Variants in TMEM127 observed in about 807,000 individuals in gnomAD.
TMEM127 encodes transmembrane protein 127.
TMEM127 carries 21 observed loss-of-function variants against 20.1 expected under a neutral mutation model. That is an observed-to-expected ratio of 1.04 (90% confidence interval 0.74 to 1.50). The LOEUF (loss-of-function observed/expected upper bound fraction) is 1.50. TMEM127 is among the 40% of genes most tolerant of loss of function. TMEM127 has a pLI of 0.00. For missense variants in TMEM127, 303 were observed against 317.4 expected, an observed-to-expected ratio of 0.95 and a Z score of 0.34; for synonymous variants, 150 against 144.7, an observed-to-expected ratio of 1.04 and a Z score of -0.26.
In TMEM127 at chr2:96,265,369, C is replaced by A; in HGVS notation, c.13G>T (p.Gly5Ter). Reference sequence around the variant, plus strand: ...CGCCCGCCGGGCAGCCCTGCGCCTCCGGGGGCGTACATGCCCGGGGCCGCC... The same window carrying A: ...CGCCCGCCGGGCAGCCCTGCGCCTCAGGGGGCGTACATGCCCGGGGCCGCC... MYAP[G>*]GAGLPGGRRR... is the part of the protein sequence containing the mutation. The change falls in exon 2 of 4, where the codon GGA becomes TGA. Residue 5 changes from glycine (G) to a stop codon, truncating the protein, a stop_gained. Coordinates refer to ENST00000258439, the MANE Select transcript of TMEM127 (RefSeq NM_017849.4). LOFTEE classifies it high-confidence loss of function. 1 of 1,465,784 alleles carries A rather than the reference C, an allele frequency of 6.8e-7. No individual in the cohort carries two copies. The highest frequency in any genetic ancestry group is 9.0e-7 in the Non-Finnish European group (1 of 1,115,718). The allele number at this position is 1,465,784 out of a possible 1,614,324, so 90.8% of individuals were successfully genotyped here. A position where few individuals can be genotyped will look rare whatever the true frequency, so the allele number is the denominator to read the frequency against.
rs140817879 is a variant in TMEM127, at chr2:96,254,788, C to G, written c.409+45G>C. On this transcript the variant is annotated intron_variant, in intron 3 of 3. Transcript: ENST00000258439. ...CGGCAACTCAGACAGGATGCCCCCA[C>G]CCTGTAGCAGTTCCTCTCCCACTGT... 8.1e-3 allele frequency: 13,051 copies of G among 1,611,662 alleles called. 136 individuals carry two copies. The highest frequency in any genetic ancestry group is 0.051 in the East Asian group (2,308 of 44,850).
At chr2:96,265,677 G>A (rs1051671094) in intron 1 of TMEM127, among the ~76,000 whole-genome samples, 165 bp from the exon 2 acceptor site, 2 of 152,204 alleles carry the variant, frequency 1.3e-5, no homozygotes, top group African/African-American at 4.8e-5. Context: ...AGACTCGAGT[G>A]GGGGGCGGAG....
Position 96,251,015 on chromosome 2 carries a change from G to A in TMEM127, c.*2793C>T, listed in dbSNP as rs939388101. 5 of 224,242 alleles carry A rather than the reference G, an allele frequency of 2.2e-5. No individual in the cohort carries two copies. The highest frequency in any genetic ancestry group is 4.4e-5 in the Non-Finnish European group (5 of 112,454). 13.9% of individuals were successfully genotyped at this position (224,242 alleles called of 1,614,324 possible). ...CTCCCACAGGATGGCTAGAGTTTAG[G>A]AGCCACGTTCTCCTCTATAGCTCAC... On this transcript the variant is annotated 3_prime_UTR_variant, in exon 4 of 4. Transcript: ENST00000258439.
At chr2:96,264,894 A>C (rs1684382044) in intron 2 of TMEM127, among the ~76,000 whole-genome samples, 1 of 152,176 alleles carries the variant, frequency 6.6e-6, no homozygotes, top group Non-Finnish European at 1.5e-5. Context: ...TCCTTCCTCC[A>C]GCAGAATCCT....
In TMEM127 at chr2:96,253,815, G is replaced by A. The variant is rs751135735; in HGVS notation, c.710C>T (p.Thr237Ile). The A allele has an allele frequency of 6.2e-7, 1 of 1,610,182 alleles. No homozygotes were observed. The highest frequency in any genetic ancestry group is 8.5e-7 in the Non-Finnish European group (1 of 1,176,822). Residue 237 changes from threonine (T) to isoleucine (I), a missense_variant, in exon 4 of 4, where the codon ACA becomes ATA. Transcript: ENST00000258439. This position sits in a 1 kb window ranked among gnomAD's most constrained non-coding sequence, Gnocchi z 4.3. ...GAGAGCCCAGGGCTGGCATTAGGGT[G>A]TGTAAGCAGGGGGTGGCTGGAACTG... ...INQFQPPPAY[T>I]P
At position 96,254,998 on chromosome 2, in the gene TMEM127, C is replaced by G. The variant is rs121908821; in HGVS notation, c.245-1G>C. 4.3e-6 allele frequency: 7 copies of G among 1,614,058 alleles called. No homozygotes were observed. The African/African-American group carries it at 9.3e-5, about 22-fold the overall frequency. The stretch of plus-strand genomic sequence containing the variant: ...ACTGTCTGGGGATTCATGCAGAAAT[C>G]TGTAGAGGGAGAACCAAATTTTCAC... On this transcript the variant is annotated splice_acceptor_variant, in intron 2 of 3. Coordinates refer to ENST00000258439, the MANE Select transcript of TMEM127 (RefSeq NM_017849.4). LOFTEE classifies it high-confidence loss of function.
intron 2 of TMEM127, among the ~76,000 whole-genome samples, chr2:96,255,970 C>T (rs1290381595): frequency 6.6e-6 from 1 of 151,780 alleles, no homozygotes; most frequent in Non-Finnish European, 1.5e-5. Context: ...GAGACCCTGT[C>T]TCTTAAAAAA....
chr2:96,257,609 G>A (rs1684234898), intron 2 of TMEM127, among the ~76,000 whole-genome samples: 1 of 151,838 alleles, frequency 6.6e-6, no homozygotes, highest in Admixed American at 6.6e-5. Context: ...AGTATTTTAA[G>A]CTTTCATAAA....
chr2:96,249,599 C>T lies in TMEM127; in HGVS notation c.*4209G>A, dbSNP rs555723265. On this transcript the variant is annotated 3_prime_UTR_variant, in exon 4 of 4. Coordinates refer to ENST00000258439, the MANE Select transcript of TMEM127 (RefSeq NM_017849.4). ...ATGGTGAGACTGTCTCTACCCACCCCCACAAAAAAAACATTTTCTCTTCTC... is the reference window on the plus strand; with the variant it reads ...ATGGTGAGACTGTCTCTACCCACCCTCACAAAAAAAACATTTTCTCTTCTC... 8.6e-6 allele frequency: 2 copies of T among 231,586 alleles called. No individual in the cohort carries two copies. The highest frequency in any genetic ancestry group is 1.1e-4 in the Admixed American group (2 of 17,726). 14.3% of individuals were successfully genotyped at this position (231,586 alleles called of 1,614,324 possible).
chr2:96,263,048 CTTTT>C (rs1402826560), intron 2 of TMEM127, among the ~76,000 whole-genome samples: 1 of 136,692 alleles, frequency 7.3e-6, no homozygotes, highest in Admixed American at 7.4e-5. Context: ...CAAGAATTTA[CTTTT>C]TTTTTTTTTT....
At chr2:96,258,739 G>A (rs1684258189) in intron 2 of TMEM127, among the ~76,000 whole-genome samples, 1 of 152,172 alleles carries the variant, frequency 6.6e-6, no homozygotes, top group Admixed American at 6.5e-5. Flanking sequence ...GCTATCTCCT[G>A]GCTGTATTTT....
At chr2:96,255,043 T>C (rs1370643573) in intron 2 of TMEM127, 46 bp from the exon 3 acceptor site, 2 of 1,610,656 alleles carry the variant, frequency 1.2e-6, no homozygotes. Flanking sequence ...TAACACTTGG[T>C]GCAGGAAGTC....
chr2:96,256,571 CAAAAA>C (rs1234363746), intron 2 of TMEM127, among the ~76,000 whole-genome samples: 1 of 54,664 alleles, frequency 1.8e-5, no homozygotes, highest in South Asian at 6.0e-4. Flanking sequence ...AACTCTGTCT[CAAAAA>C]AAAAAAAAAA....
rs1394209177 is a variant in TMEM127 at position 96,254,077 on chromosome 2, C to T, written c.448G>A (p.Ala150Thr). 6.2e-7 allele frequency: 1 copy of T among 1,614,088 alleles called. No homozygotes were observed. The highest frequency in any genetic ancestry group is 8.5e-7 in the Non-Finnish European group (1 of 1,180,032). ...CATVIGFSYW[A>T]SELILAQQQQ... ...TGCTGGGCCAAGATGAGTTCAGAAG[C>T]CCAATAAGAAAAGCCAATGACGGTG... The change falls in exon 4 of 4, where the codon GCT becomes ACT. Residue 150 changes from alanine (A) to threonine (T), a missense_variant. By Grantham distance (58) the Ala-to-Thr change is moderately conservative. Transcript: ENST00000258439.
chr2:96,263,854 A>G (rs1684360770), intron 2 of TMEM127, among the ~76,000 whole-genome samples: 2 of 152,184 alleles, frequency 1.3e-5, no homozygotes. Context: ...AAGCAAGTAC[A>G]GGGCAATGTG....
At position 96,251,688 on chromosome 2, in the gene TMEM127, TTTTAA is replaced by T. The variant is rs1684091690; in HGVS notation, c.*2115_*2119del. On this transcript the variant is annotated 3_prime_UTR_variant, in exon 4 of 4. Coordinates refer to ENST00000258439, the MANE Select transcript of TMEM127 (RefSeq NM_017849.4). ...CTGGTTTTTTTGGTTTTGTTTTCCCTTTTAATTTTTTTCTAGAAAAAAAAACACAA... is the reference window on the plus strand; with the variant it reads ...CTGGTTTTTTTGGTTTTGTTTTCCCTTTTTTTTCTAGAAAAAAAAACACAA... The T allele has an allele frequency of 8.6e-6, 2 of 232,548 alleles. No individual in the cohort carries two copies. Among genetic ancestry groups the T allele is most frequent in the Admixed American group, 5.6e-5 (1 of 17,730 alleles). The allele number at this position is 232,548 out of a possible 1,614,324, so 14.4% of individuals were successfully genotyped here.
At chr2:96,258,984 C>T (rs1353379220) in intron 2 of TMEM127, among the ~76,000 whole-genome samples, 2 of 152,212 alleles carry the variant, frequency 1.3e-5, no homozygotes, top group Non-Finnish European at 2.9e-5. Context: ...GGATGGTGAG[C>T]ACAAGGATGT....
Position 96,254,943 on chromosome 2 carries a change from C to G in TMEM127, c.299G>C (p.Cys100Ser), listed in dbSNP as rs886056447. 2.5e-6 allele frequency: 4 copies of G among 1,614,126 alleles called. No homozygotes were observed. Among genetic ancestry groups the G allele is most frequent in the Non-Finnish European group, 3.4e-6 (4 of 1,180,046 alleles). ...GAGACTACACAGGATGCCCAGGAAA[C>G]AGAAGGCGGCGATGACCCGCAGGAG... is the stretch of plus-strand genomic sequence containing the variant. ...VLLLRVIAAF[C>S]FLGILCSLSA... Residue 100 changes from cysteine to serine, a missense_variant, in exon 3 of 4, where the codon TGT (cysteine) becomes TCT (serine). Coordinates refer to ENST00000258439, the MANE Select transcript of TMEM127 (RefSeq NM_017849.4).
rs1684035152 is a variant in TMEM127 at position 96,249,098 on chromosome 2, G to GT, written c.*4709dup. ...ACCTGTGTGTGTGTGTGTGGTGTGT[G>GT]TGTGTGTGTGTGTGTGTGTTTGAGA... On this transcript the variant is annotated 3_prime_UTR_variant, in exon 4 of 4. Transcript: ENST00000258439. The GT allele has an allele frequency of 4.3e-6, 1 of 231,702 alleles. No individual in the cohort carries two copies. Among genetic ancestry groups the GT allele is most frequent in the South Asian group, 1.8e-4 (1 of 5,516 alleles). 14.4% of individuals were successfully genotyped at this position (231,702 alleles called of 1,614,324 possible).
Sources: allele counts gnomAD v4.1 joint callset (sites outside exome capture counted in the v4.1 genomes callset), GRCh38; gene constraint gnomAD v4.1.1; non-coding constraint Gnocchi (gnomAD v3.1); transcripts MANE v1.5; gene names NCBI Gene and HGNC (gene_info 2026-07-23, HGNC 2026-07-21).